The following ATP13A3 variants were observed in gnomAD, a reference collection of about 807,000 sequenced individuals.
The protein encoded by ATP13A3 is polyamine-transporting ATPase 13A3.
A neutral mutation model predicts 158.1 loss-of-function variants in ATP13A3; 59 were observed. That is an observed-to-expected ratio of 0.37 (90% CI 0.30 to 0.46). ATP13A3 has a LOEUF of 0.46. ATP13A3 is among the 20% of genes least tolerant of loss of function. ATP13A3 has a pLI of 1.00. For missense variants in ATP13A3, 1,166 were observed against 1,525.2 expected, an observed-to-expected ratio of 0.76 and a Z score of 3.92; for synonymous variants, 491 against 504.3, an observed-to-expected ratio of 0.97 and a Z score of 0.35.
intron 2 of ATP13A3, among the ~76,000 whole-genome samples, chr3:194,479,993 A>G (rs1204272809): frequency 6.6e-6 from 1 of 152,234 alleles, no homozygotes; most frequent in African/African-American, 2.4e-5. Context: ...TGTTTTGGAC[A>G]TAAAAAGCCT....
chr3:194,437,594 G>GA (rs774593061), intron 17 of ATP13A3, 21 bp from the exon 18 acceptor site: 4 of 1,587,382 alleles, frequency 2.5e-6, no homozygotes, highest in East Asian at 2.3e-5. Flanking sequence ...AACAAAACAA[G>GA]AAAAAATAGT....
chr3:194,487,570 C>G (rs2109091532), upstream of ATP13A3: 2 of 152,442 alleles, frequency 1.3e-5, 1 homozygote, highest in Admixed American at 1.3e-4. Flanking sequence ...GAGAAAGCTC[C>G]CACGCGCCCG....
intron 16 of ATP13A3, among the ~76,000 whole-genome samples, chr3:194,440,065 G>A (rs981390740): frequency 4.6e-5 from 7 of 152,152 alleles, no homozygotes; most frequent in Non-Finnish European, 1.0e-4. Flanking sequence ...TGTGGGTAGG[G>A]AGGGAGGGAG....
intron 20 of ATP13A3, among the ~76,000 whole-genome samples, chr3:194,434,678 A>G (rs912139327): frequency 4.6e-5 from 7 of 152,200 alleles, no homozygotes; most frequent in Non-Finnish European, 1.0e-4. Flanking sequence ...CCACTTTGGG[A>G]GGCTGAAATA....
intron 28 of ATP13A3, among the ~76,000 whole-genome samples, chr3:194,427,519 C>A (rs1206699825): frequency 1.3e-5 from 2 of 151,808 alleles, no homozygotes; most frequent in East Asian, 3.9e-4. Context: ...TAAAACTAGG[C>A]CAGGCACGGT....
intron 21 of ATP13A3, 62 bp downstream of exon 21, chr3:194,433,708 AAT>A (rs1560085417): frequency 1.3e-5 from 21 of 1,579,028 alleles, no homozygotes; most frequent in Non-Finnish European, 1.8e-5. Flanking sequence ...ATTATCCCTC[AAT>A]ATAATATAAC....
At chr3:194,469,470 A>C (rs1243618227) in intron 2 of ATP13A3, among the ~76,000 whole-genome samples, 1 of 152,136 alleles carries the variant, frequency 6.6e-6, no homozygotes, top group Non-Finnish European at 1.5e-5. Context: ...AAAAAAGAAA[A>C]AAAAACTCAC....
At chr3:194,485,991 C>T (rs756642424) in intron 1 of ATP13A3, among the ~76,000 whole-genome samples, 156 bp from the exon 2 acceptor site, 6 of 152,076 alleles carry the variant, frequency 3.9e-5, no homozygotes, top group Non-Finnish European at 8.8e-5. Flanking sequence ...TCCACCAGAA[C>T]CTGACTCTGT....
intron 2 of ATP13A3, among the ~76,000 whole-genome samples, chr3:194,473,337 T>C (rs1011930655): frequency 3.9e-5 from 6 of 152,198 alleles, no homozygotes; most frequent in Non-Finnish European, 7.3e-5. Flanking sequence ...CTGTACATTC[T>C]AGTCTGAAAG....
At chr3:194,489,308 T>A (rs1721119202), upstream of ATP13A3, among the ~76,000 whole-genome samples, 1 of 152,212 alleles carries the variant, frequency 6.6e-6, no homozygotes, top group Non-Finnish European at 1.5e-5. This position sits in a 1 kb window ranked among gnomAD's most constrained non-coding sequence, Gnocchi z 4.1. Context: ...CTGGACGTGG[T>A]GGCACATGCC....
intron 2 of ATP13A3, among the ~76,000 whole-genome samples, chr3:194,477,444 C>T (rs1164607474): frequency 6.6e-6 from 1 of 152,178 alleles, no homozygotes; most frequent in African/African-American, 2.4e-5. Context: ...TTGTCTTTGG[C>T]ATGCTCCCGC....
chr3:194,441,812 G>A (rs886409785), intron 15 of ATP13A3, among the ~76,000 whole-genome samples: 7 of 152,110 alleles, frequency 4.6e-5, no homozygotes, highest in Admixed American at 3.3e-4. Flanking sequence ...CAGTACTCTT[G>A]AAGAGCTACA....
chr3:194,405,964 A>G lies in ATP13A3; in HGVS notation c.3726T>C (p.Ala1242=), dbSNP rs749171551. 5 of 1,614,108 alleles carry G rather than the reference A, an allele frequency of 3.1e-6. No homozygotes were observed. The Admixed American group carries it at 8.3e-5, about 27-fold the overall frequency. The change falls in exon 34 of 34, where the codon GCT becomes GCC. Residue 1242 remains alanine (A), a synonymous_variant. Coordinates refer to ENST00000645319, the MANE Select transcript of ATP13A3 (RefSeq NM_001367549.1). ...PKPQTTTEAK[A]LVKENGSCQI... ...GACATGATCCATTCTCCTTAACTAA[A>G]GCTTTAGCTTCTGTGGTTGTCTGAG...
At chr3:194,446,191 CA>C (rs1718390205) in intron 14 of ATP13A3, among the ~76,000 whole-genome samples, 1 of 152,178 alleles carries the variant, frequency 6.6e-6, no homozygotes, top group African/African-American at 2.4e-5. Flanking sequence ...AGCATGTCCT[CA>C]AATACGATTG....
chr3:194,480,460 C>T (rs1013265965), intron 2 of ATP13A3, among the ~76,000 whole-genome samples: 2 of 152,118 alleles, frequency 1.3e-5, no homozygotes, highest in Non-Finnish European at 1.5e-5. Flanking sequence ...TAATTTACAT[C>T]GCTCTTTTAA....
upstream of ATP13A3, among the ~76,000 whole-genome samples, chr3:194,491,243 A>G (rs991264282): frequency 7.9e-5 from 12 of 152,112 alleles, no homozygotes; most frequent in Non-Finnish European, 1.5e-4. Context: ...CTGGTGCCAG[A>G]TAAGTTCACT....
rs1188285070 is a variant in ATP13A3 at position 194,426,981 on chromosome 3, G to A, written c.3125+94C>T. Reference sequence around the variant, plus strand: ...ACTACAGGTGTGAGCCACCGCACCTGGCACAAACTTTTATATTAACTTCTA... The same window carrying A: ...ACTACAGGTGTGAGCCACCGCACCTAGCACAAACTTTTATATTAACTTCTA... On this transcript the variant is annotated intron_variant, in intron 29 of 33. Coordinates refer to ENST00000645319, the MANE Select transcript of ATP13A3 (RefSeq NM_001367549.1). 2.9e-6 allele frequency: 4 copies of A among 1,389,998 alleles called. No homozygotes were observed. In the African/African-American group the frequency reaches 4.5e-5, roughly 15 times the overall value. 86.1% of individuals were successfully genotyped at this position (1,389,998 alleles called of 1,614,324 possible).
chr3:194,443,232 A>G (rs996621042), intron 15 of ATP13A3, among the ~76,000 whole-genome samples: 1 of 152,182 alleles, frequency 6.6e-6, no homozygotes, highest in Non-Finnish European at 1.5e-5. Flanking sequence ...AGAATAACCA[A>G]AAGTATCTTA....
chr3:194,429,743 A>T lies in ATP13A3; in HGVS notation c.2809T>A (p.Cys937Ser). The T allele has an allele frequency of 6.2e-7, 1 of 1,614,048 alleles. No homozygotes were observed. Among genetic ancestry groups the T allele is most frequent in the South Asian group, 1.1e-5 (1 of 91,068 alleles). Residue 937 changes from cysteine to serine, a missense_variant, in exon 27 of 34, where the codon TGT becomes AGT. Transcript: ENST00000645319. ...TACAATGCCATGAATTTAAACACAC[A>T]GAAGGAAGTTATTAAAGCAGCACGG... ...EGRAALITSF[C>S]VFKFMALYSI...
Sources: gnomAD v4.1 joint callset for allele counts (sites outside exome capture counted in the v4.1 genomes callset) on GRCh38, gnomAD v4.1.1 for gene constraint, Gnocchi (gnomAD v3.1) non-coding constraint, MANE v1.5 for transcripts, NCBI Gene and HGNC (gene_info 2026-07-23, HGNC 2026-07-21) for gene names.